DNAAF1: variants seen among roughly 807,000 people sequenced by gnomAD.
DNAAF1 encodes dynein axonemal assembly factor 1, also known as dynein assembly factor 1, axonemal.
DNAAF1 carries 65 observed loss-of-function variants against 71.1 expected under a neutral mutation model. That is an observed-to-expected ratio of 0.91 (90% CI 0.75 to 1.12). The LOEUF (loss-of-function observed/expected upper bound fraction) is 1.12. Among genes scored for constraint, DNAAF1 ranks in the 50% most tolerant of loss-of-function variants. DNAAF1 has a pLI of 0.00. For synonymous variants in DNAAF1, 414 were observed against 354.6 expected (o/e 1.17, Z -1.88); for missense variants, 1,178 against 899.8 (o/e 1.31, Z -3.96).
intron 3 of DNAAF1, among the ~76,000 whole-genome samples, chr16:84,152,783 A>G (rs1324461777): frequency 6.6e-6 from 1 of 151,962 alleles, no homozygotes; most frequent in African/African-American, 2.4e-5. Flanking sequence ...GTAAAACCCC[A>G]TCTCTACTAA....
intron 10 of DNAAF1, chr16:84,175,719 A>T (rs2151280616): frequency 1.7e-6 from 1 of 595,292 alleles, no homozygotes; most frequent in Non-Finnish European, 3.0e-6. Context: ...GGGGGAGCAG[A>T]GGGCAGAGAG....
intron 9 of DNAAF1, chr16:84,174,180 C>T (rs767173527): frequency 1.7e-5 from 17 of 1,005,494 alleles, no homozygotes; most frequent in Non-Finnish European, 2.0e-5. Context: ...CATCCAACCA[C>T]ACACTATGCT....
At chr16:84,165,051 A>C (rs567166436) in intron 6 of DNAAF1, among the ~76,000 whole-genome samples, 1 of 152,152 alleles carries the variant, frequency 6.6e-6, no homozygotes, top group Non-Finnish European at 1.5e-5. Flanking sequence ...TGCCATCTCT[A>C]TATCTTTTTT....
chr16:84,157,877 G>C (rs577418473), intron 5 of DNAAF1, among the ~76,000 whole-genome samples: 2 of 152,098 alleles, frequency 1.3e-5, no homozygotes, highest in Non-Finnish European at 2.9e-5. Flanking sequence ...TTTGGCTGGG[G>C]TTGCCATAAG....
At chr16:84,165,739 T>C in intron 6 of DNAAF1, 44 bp from the exon 7 acceptor site, 2 of 1,575,476 alleles carry the variant, frequency 1.3e-6, no homozygotes, top group Non-Finnish European at 1.7e-6. Flanking sequence ...AGTGTATGTT[T>C]GGAGTTCACC....
At position 84,165,929 on chromosome 16, in the gene DNAAF1, A is replaced by G; in HGVS notation, c.1010A>G (p.Gln337Arg). 6.2e-7 allele frequency: 1 copy of G among 1,613,344 alleles called. No homozygotes were observed. Among genetic ancestry groups the G allele is most frequent in the African/African-American group, 1.3e-5 (1 of 74,860 alleles). Residue 337 changes from glutamine to arginine, a missense_variant, in exon 7 of 12, where the codon CAG (glutamine) becomes CGG (arginine). Coordinates refer to ENST00000378553, the MANE Select transcript of DNAAF1 (RefSeq NM_178452.6). Reference protein sequence around the residue: ...IKQRAEERKRQRESQERGEMT... With the variant: ...IKQRAEERKRRRESQERGEMT... ...CAGCGGGCAGAGGAGAGGAAAAGACAGAGAGAGAGTCAAGAGAGAGGTATG... is the reference window on the plus strand; with the variant it reads ...CAGCGGGCAGAGGAGAGGAAAAGACGGAGAGAGAGTCAAGAGAGAGGTATG...
In DNAAF1 at chr16:84,170,086, AC is replaced by A; in HGVS notation, c.1261del (p.Leu421CysfsTer59). ...GCCAGAGGGGACCCTCCCAGCTGAG[AC>A]CCTGCTACTGTCGTCACCTGTGGAG... ...PEPEGTLPAE[T>X]LLLSSPVEVK... On this transcript the variant is annotated frameshift_variant, in exon 8 of 12. Coordinates refer to ENST00000378553, the MANE Select transcript of DNAAF1 (RefSeq NM_178452.6). LOFTEE classifies it high-confidence loss of function. 6.2e-7 allele frequency: 1 copy of A among 1,609,008 alleles called. No homozygotes were observed. Among genetic ancestry groups the A allele is most frequent in the East Asian group, 2.2e-5 (1 of 44,612 alleles).
At chr16:84,174,574 G>A in intron 9 of DNAAF1, 95 bp from the exon 10 acceptor site, 1 of 1,609,388 alleles carries the variant, frequency 6.2e-7, no homozygotes, top group Non-Finnish European at 8.5e-7. Flanking sequence ...TGTAACTAAG[G>A]CTGGGTTGAC....
At chr16:84,154,827 G>T in intron 4 of DNAAF1, 29 bp downstream of exon 4, 1 of 1,550,884 alleles carries the variant, frequency 6.4e-7, no homozygotes, top group Non-Finnish European at 8.9e-7. Context: ...CAGTGTGTCT[G>T]TTTGCCATAT....
chr16:84,170,047 G>A lies in DNAAF1; in HGVS notation c.1219G>A (p.Asp407Asn), dbSNP rs767542170. 5.0e-6 allele frequency: 8 copies of A among 1,613,900 alleles called. No individual in the cohort carries two copies. In the South Asian group the frequency reaches 8.8e-5, roughly 18 times the overall value. ...GCCGCCTGTGGAGGCTAAAAGAGAG[G>A]ATGGAGGTCCAGAGCCAGAGGGGAC... ...EEPPVEAKRE[D>N]GGPEPEGTLP... Residue 407 changes from aspartate (D) to asparagine (N), a missense_variant, in exon 8 of 12, where the codon GAT (aspartate) becomes AAT (asparagine). Transcript: ENST00000378553.
At chr16:84,147,956 T>A (rs951492073) in intron 1 of DNAAF1, among the ~76,000 whole-genome samples, 1 of 151,964 alleles carries the variant, frequency 6.6e-6, no homozygotes, top group African/African-American at 2.4e-5. Flanking sequence ...TAATCCTAGC[T>A]ACTTGGGAGG....
At chr16:84,165,356 A>C (rs940992044) in intron 6 of DNAAF1, among the ~76,000 whole-genome samples, 3 of 151,786 alleles carry the variant, frequency 2.0e-5, no homozygotes, top group Middle Eastern at 3.4e-3. Flanking sequence ...TTGTCTTTTT[A>C]CTTTTTTTCA....
intron 1 of DNAAF1, 134 bp downstream of exon 1, chr16:84,145,698 T>C: frequency 1.7e-6 from 2 of 1,195,742 alleles, no homozygotes; most frequent in Non-Finnish European, 2.3e-6. Flanking sequence ...CAAGCAACGC[T>C]CTGCAGTAGG....
Position 84,155,752 on chromosome 16 carries a change from A to T in DNAAF1, c.741+3A>T. The T allele has an allele frequency of 6.2e-7, 1 of 1,614,074 alleles. No homozygotes were observed. The highest frequency in any genetic ancestry group is 1.6e-4 in the Middle Eastern group (1 of 6,062). The stretch of plus-strand genomic sequence containing the variant: ...TTCTGGAAAGCATGCCCGATTTGGT[A>T]AAAAACAAAAACAAAAACAACGAAA... On this transcript the variant is annotated splice_donor_region_variant and intron_variant, in intron 5 of 11. Coordinates refer to ENST00000378553, the MANE Select transcript of DNAAF1 (RefSeq NM_178452.6).
intron 5 of DNAAF1, among the ~76,000 whole-genome samples, chr16:84,157,884 T>A (rs2087515359): frequency 6.6e-6 from 1 of 152,120 alleles, no homozygotes; most frequent in South Asian, 2.1e-4. Context: ...GGGGTTGCCA[T>A]AAGTACCGGG....
chr16:84,158,170 A>C (rs2087532239), intron 5 of DNAAF1, among the ~76,000 whole-genome samples: 1 of 152,028 alleles, frequency 6.6e-6, no homozygotes, highest in South Asian at 2.1e-4. Flanking sequence ...GCGCCACTAC[A>C]CTCCAGCCTG....
At chr16:84,170,496 A>G (rs1567562173) in intron 8 of DNAAF1, 140 bp downstream of exon 8, 4 of 1,380,176 alleles carry the variant, frequency 2.9e-6, no homozygotes, top group East Asian at 2.5e-5. Context: ...GACACTAGTT[A>G]TCTTGTTTTC....
chr16:84,177,703 A>G (rs755479544), intron 11 of DNAAF1, 26 bp from the exon 12 acceptor site: 21 of 1,596,100 alleles, frequency 1.3e-5, no homozygotes. Context: ...ACAGGGAGAA[A>G]GCACAGGTCA....
chr16:84,172,232 A>G, intron 8 of DNAAF1, 28 bp from the exon 9 acceptor site: 1 of 1,609,300 alleles, frequency 6.2e-7, no homozygotes, highest in South Asian at 1.1e-5. Flanking sequence ...GTGTTAAACT[A>G]ACTCCAAGAC....
Sources: allele counts gnomAD v4.1 joint callset (sites outside exome capture counted in the v4.1 genomes callset), GRCh38; gene constraint gnomAD v4.1.1; transcripts MANE v1.5; gene names NCBI Gene and HGNC (gene_info 2026-07-23, HGNC 2026-07-21).